LAMA3: variants seen among roughly 807,000 people sequenced by gnomAD.
LAMA3 encodes the protein laminin subunit alpha 3.
In LAMA3, 281 loss-of-function variants were observed where a neutral mutation model predicts 402.0. The observed-to-expected ratio is 0.70, with a 90% CI of 0.63 to 0.77. LAMA3 has a LOEUF of 0.77. Ranked by LOEUF, LAMA3 falls within the 30% of genes least tolerant of loss-of-function variation. The pLI, the probability that LAMA3 is intolerant of heterozygous loss-of-function variation, is 0.00. For synonymous variants in LAMA3, 1,431 were observed against 1,558.4 expected, an observed-to-expected ratio of 0.92 and a Z score of 1.93; for missense variants, 3,840 against 4,215.5, an observed-to-expected ratio of 0.91 and a Z score of 2.47.
chr18:23,852,997 C>T (rs1303831862), intron 32 of LAMA3, among the ~76,000 whole-genome samples: 1 of 152,104 alleles, frequency 6.6e-6, no homozygotes, highest in African/African-American at 2.4e-5. Context: ...GAGATCGCCT[C>T]ATCATCTCAT....
At chr18:23,753,916 T>C (rs2061796999) in intron 6 of LAMA3, 104 bp downstream of exon 6, 3 of 786,942 alleles carry the variant, frequency 3.8e-6, no homozygotes, top group Admixed American at 2.0e-5. Context: ...CTGTCCTCAA[T>C]AGGAATGATT....
chr18:23,808,887 A>G (rs2063014501), intron 12 of LAMA3, among the ~76,000 whole-genome samples: 1 of 152,234 alleles, frequency 6.6e-6, no homozygotes, highest in Admixed American at 6.5e-5. Context: ...ATAAATTACC[A>G]GAACTGGGGC....
At chr18:23,747,078 G>GC (rs1338245212) in intron 2 of LAMA3, among the ~76,000 whole-genome samples, 3 of 152,088 alleles carry the variant, frequency 2.0e-5, no homozygotes. Flanking sequence ...GAAATCTGTT[G>GC]CCTGGGGGTC....
intron 1 of LAMA3, among the ~76,000 whole-genome samples, chr18:23,698,654 A>G (rs928124191): frequency 6.6e-6 from 1 of 152,226 alleles, no homozygotes; most frequent in Non-Finnish European, 1.5e-5. Context: ...GTGATTCTTA[A>G]AGTAGATTCC....
chr18:23,869,334 A>T (rs192677646), intron 37 of LAMA3, among the ~76,000 whole-genome samples: 8 of 152,352 alleles, frequency 5.3e-5, no homozygotes, highest in Admixed American at 5.2e-4. Context: ...ATTTATATAA[A>T]TCGTCCAGCA....
In LAMA3 at chr18:23,861,764, A is replaced by G. The variant is rs774674406; in HGVS notation, c.4541A>G (p.His1514Arg). The change falls in exon 35 of 75, where the codon CAC becomes CGC. Residue 1514 changes from histidine to arginine, a missense_variant. Coordinates refer to ENST00000313654, the MANE Select transcript of LAMA3 (RefSeq NM_198129.4). ...ADLQELPATI[H>R]SASWVAPTSY... ...CTCCAGGAGCTGCCCGCAACCATCC[A>G]CAGCGCGTCCTGGGTCGCACCCACC... 1 of 1,613,872 alleles carries G rather than the reference A, an allele frequency of 6.2e-7. No homozygotes were observed. The highest frequency in any genetic ancestry group is 1.7e-5 in the Admixed American group (1 of 59,982).
intron 10 of LAMA3, among the ~76,000 whole-genome samples, chr18:23,776,606 C>A (rs1284671838): frequency 2.0e-5 from 3 of 152,186 alleles, no homozygotes; most frequent in Non-Finnish European, 4.4e-5. Context: ...TGGCCCCACC[C>A]TCCTGACTCC....
intron 12 of LAMA3, among the ~76,000 whole-genome samples, chr18:23,798,628 C>G (rs757447238): frequency 4.3e-4 from 65 of 152,282 alleles, no homozygotes; most frequent in Admixed American, 3.3e-4. Context: ...TGCAGTTTTG[C>G]CTTGAACTGG....
At chr18:23,933,259 C>T (rs149117760) in intron 66 of LAMA3, among the ~76,000 whole-genome samples, 5 of 152,288 alleles carry the variant, frequency 3.3e-5, no homozygotes, top group Admixed American at 6.5e-5. Context: ...TATCCCGGCC[C>T]TCCCACAATT....
In LAMA3 at chr18:23,879,374, C is replaced by A. The variant is rs181794532; in HGVS notation, c.5113-2562C>A. On this transcript the variant is annotated intron_variant, in intron 39 of 74. Transcript: ENST00000313654. This position sits in a 1 kb window ranked among gnomAD's most constrained non-coding sequence, Gnocchi z 4.2. ...GTCCCCTGTGCCTGGAATGCCCTTCCCTCACTTCTGCGCTCAGTGAATCCC... is the reference window on the plus strand; with the variant it reads ...GTCCCCTGTGCCTGGAATGCCCTTCACTCACTTCTGCGCTCAGTGAATCCC... Among the ~76,000 whole-genome samples, 62 of 152,334 alleles carry A rather than the reference C, an allele frequency of 4.1e-4. No individual in the cohort carries two copies. Among genetic ancestry groups the A allele is most frequent in the Middle Eastern group, 3.4e-3 (1 of 294 alleles).
At chr18:23,853,770 A>T (rs1271690595) in intron 32 of LAMA3, among the ~76,000 whole-genome samples, 1 of 152,206 alleles carries the variant, frequency 6.6e-6, no homozygotes, top group African/African-American at 2.4e-5. Flanking sequence ...AAATTCTGGT[A>T]GGGCTGTTCC....
At chr18:23,894,277 T>A (rs972864028) in intron 42 of LAMA3, 21 bp from the exon 43 acceptor site, 19 of 1,592,432 alleles carry the variant, frequency 1.2e-5, no homozygotes, top group Non-Finnish European at 1.5e-5. Flanking sequence ...TATGTCTTCT[T>A]TGGTTATTTT....
intron 23 of LAMA3, among the ~76,000 whole-genome samples, chr18:23,833,404 CAATT>C (rs2063522878): frequency 2.7e-5 from 4 of 147,764 alleles, no homozygotes; most frequent in Admixed American, 1.4e-4. Context: ...AAAAAAAAAA[CAATT>C]AAAGAGCCCA....
intron 1 of LAMA3, among the ~76,000 whole-genome samples, chr18:23,709,627 G>A (rs1260505114): frequency 2.6e-5 from 4 of 152,142 alleles, no homozygotes; most frequent in East Asian, 1.9e-4. Flanking sequence ...TGGTATAAGC[G>A]TCTGTTGGAA....
chr18:23,730,630 G>A (rs1209401112), intron 2 of LAMA3, among the ~76,000 whole-genome samples: 1 of 151,978 alleles, frequency 6.6e-6, no homozygotes, highest in Non-Finnish European at 1.5e-5. Flanking sequence ...GCCTCCCAAA[G>A]TGCTGGGATT....
intron 13 of LAMA3, among the ~76,000 whole-genome samples, chr18:23,810,828 A>G (rs1423295734): frequency 6.6e-6 from 1 of 152,108 alleles, no homozygotes; most frequent in Non-Finnish European, 1.5e-5. Flanking sequence ...CCTTTGAGTT[A>G]AAGGGGCCAT....
chr18:23,723,404 T>C (rs905399462), intron 2 of LAMA3, among the ~76,000 whole-genome samples: 1 of 152,186 alleles, frequency 6.6e-6, no homozygotes, highest in Non-Finnish European at 1.5e-5. Flanking sequence ...GAATGGTCTT[T>C]ATCGACACAA....
chr18:23,835,152 C>G (rs1204058299), intron 24 of LAMA3, among the ~76,000 whole-genome samples: 1 of 152,206 alleles, frequency 6.6e-6, no homozygotes, highest in Admixed American at 6.5e-5. Flanking sequence ...CACCTGAGGC[C>G]TGGAGACTGT....
intron 65 of LAMA3, chr18:23,931,447 A>G (rs2082160998): frequency 2.1e-6 from 1 of 475,496 alleles, no homozygotes; most frequent in Non-Finnish European, 3.8e-6. Flanking sequence ...GCTTGAGGCC[A>G]AGAGTTCGAG....
Sources: gnomAD v4.1 joint callset for allele counts (sites outside exome capture counted in the v4.1 genomes callset) on GRCh38, gnomAD v4.1.1 for gene constraint, Gnocchi (gnomAD v3.1) non-coding constraint, MANE v1.5 for transcripts, NCBI Gene and HGNC (gene_info 2026-07-23, HGNC 2026-07-21) for gene names.